The following GALNT13 variants were observed in gnomAD, a reference collection of about 807,000 sequenced individuals.
GALNT13 encodes the protein polypeptide N-acetylgalactosaminyltransferase 13.
GALNT13 carries 28 observed loss-of-function variants against 64.2 expected under a neutral mutation model. The ratio of observed to expected loss-of-function variants is 0.44; its 90% CI spans 0.32 to 0.60. The LOEUF is 0.60. Ranked by LOEUF, GALNT13 falls within the 20% of genes least tolerant of loss-of-function variation. The pLI is 0.05. For missense variants in GALNT13, 577 were observed against 669.8 expected (o/e 0.86, Z 1.53); for synonymous variants, 214 against 224.6 (o/e 0.95, Z 0.42).
chr2:153,403,250 G>T, the GALNT13 span, among the ~76,000 whole-genome samples: 1 of 150,878 alleles, frequency 6.6e-6, no homozygotes, highest in East Asian at 2.0e-4. Flanking sequence ...GGGGGTCAGG[G>T]GTCAGGGACC....
chr2:154,424,539 T>A (rs1700389930), intron 11 of GALNT13, among the ~76,000 whole-genome samples: 1 of 152,146 alleles, frequency 6.6e-6, no homozygotes, highest in Non-Finnish European at 1.5e-5. Context: ...GGGGGTCTTT[T>A]AACCAAAAGA....
chr2:153,948,659 G>A (rs1691946923), intron 3 of GALNT13, among the ~76,000 whole-genome samples: 1 of 152,102 alleles, frequency 6.6e-6, no homozygotes, highest in African/African-American at 2.4e-5. Context: ...TATACACTAT[G>A]GAATACTATG....
At chr2:153,530,663 A>G in the GALNT13 span, among the ~76,000 whole-genome samples, 1 of 152,066 alleles carries the variant, frequency 6.6e-6, no homozygotes, top group Non-Finnish European at 1.5e-5. Context: ...TACTGGCAAC[A>G]AAACAGAACA....
Position 153,889,428 on chromosome 2 carries a change from C to G in GALNT13, c.-176-11508C>G, listed in dbSNP as rs550776542. On this transcript the variant is annotated intron_variant, in intron 1 of 12. Transcript: ENST00000392825. Reference sequence around the variant, plus strand: ...CTGACACTCTTTTATCCTTCCTCACCCCACACTAACACACTCTAAAACTAC... The same window carrying G: ...CTGACACTCTTTTATCCTTCCTCACGCCACACTAACACACTCTAAAACTAC... Among the ~76,000 whole-genome samples the G allele has an allele frequency of 1.3e-4, 19 of 151,862 alleles. No homozygotes were observed. In the South Asian group the frequency reaches 3.7e-3, roughly 30 times the overall value.
At chr2:153,683,134 C>T in the GALNT13 span, among the ~76,000 whole-genome samples, 1 of 151,718 alleles carries the variant, frequency 6.6e-6, no homozygotes, top group African/African-American at 2.4e-5. Context: ...ATATATGGCA[C>T]ATAACTAATG....
the GALNT13 span, among the ~76,000 whole-genome samples, chr2:153,151,721 A>G: frequency 6.6e-6 from 1 of 151,980 alleles, no homozygotes; most frequent in Admixed American, 6.6e-5. Flanking sequence ...TCAGCAAACT[A>G]TCGCAAGGAC....
chr2:153,535,136 TG>T, the GALNT13 span, among the ~76,000 whole-genome samples: 1 of 151,752 alleles, frequency 6.6e-6, no homozygotes, highest in Non-Finnish European at 1.5e-5. Context: ...GGAGGTCTTG[TG>T]GTAAGGGGTG....
intron 3 of GALNT13, among the ~76,000 whole-genome samples, chr2:154,015,298 T>C (rs1696929873): frequency 6.6e-6 from 1 of 152,232 alleles, no homozygotes; most frequent in African/African-American, 2.4e-5. Flanking sequence ...AAAATAGCAA[T>C]ATTTGTTAAA....
At chr2:154,406,821 C>T (rs897441417) in intron 10 of GALNT13, among the ~76,000 whole-genome samples, 1 of 152,152 alleles carries the variant, frequency 6.6e-6, no homozygotes, top group Non-Finnish European at 1.5e-5. Context: ...CTCCTCAGCA[C>T]CTCAGGTAGT....
chr2:153,967,993 T>C (rs530442208), intron 3 of GALNT13, among the ~76,000 whole-genome samples: 1 of 150,198 alleles, frequency 6.7e-6, no homozygotes, highest in Non-Finnish European at 1.5e-5. Flanking sequence ...TGTACTATCT[T>C]CTCTCCTGAC....
intron 3 of GALNT13, among the ~76,000 whole-genome samples, chr2:154,031,679 T>C (rs913749787): frequency 1.3e-5 from 2 of 151,814 alleles, no homozygotes; most frequent in African/African-American, 4.8e-5. Flanking sequence ...GACAAAGAAA[T>C]CAATTTTCCA....
chr2:153,989,089 C>T (rs1459832006), intron 3 of GALNT13, among the ~76,000 whole-genome samples: 2 of 151,904 alleles, frequency 1.3e-5, no homozygotes, highest in Non-Finnish European at 2.9e-5. Flanking sequence ...TTAAGAATGC[C>T]TGTATCCTCT....
At chr2:154,173,697 C>A (rs1213335300) in intron 4 of GALNT13, among the ~76,000 whole-genome samples, 1 of 151,824 alleles carries the variant, frequency 6.6e-6, no homozygotes, top group East Asian at 1.9e-4. Flanking sequence ...TCAAACAACT[C>A]AATAACAAAA....
the GALNT13 span, among the ~76,000 whole-genome samples, chr2:153,230,535 A>G: frequency 1.6e-4 from 24 of 152,306 alleles, no homozygotes; most frequent in South Asian, 1.9e-3. Context: ...CAAATAATTC[A>G]TCATGATGTT....
chr2:153,631,453 C>T, the GALNT13 span, among the ~76,000 whole-genome samples: 3 of 152,168 alleles, frequency 2.0e-5, no homozygotes, highest in Non-Finnish European at 2.9e-5. Flanking sequence ...CCTATTTCTC[C>T]ACATCCTCTC....
chr2:153,395,559 C>T, the GALNT13 span, among the ~76,000 whole-genome samples: 2 of 152,028 alleles, frequency 1.3e-5, no homozygotes, highest in Admixed American at 1.3e-4. Flanking sequence ...TATTTTAATG[C>T]TTTTCTCTTC....
At chr2:154,046,195 C>G (rs1425732940) in intron 3 of GALNT13, among the ~76,000 whole-genome samples, 1 of 152,076 alleles carries the variant, frequency 6.6e-6, no homozygotes, top group Non-Finnish European at 1.5e-5. Flanking sequence ...CATGGTCATA[C>G]ATGCCTGTAG....
At chr2:153,083,420 A>G in the GALNT13 span, among the ~76,000 whole-genome samples, 1 of 152,180 alleles carries the variant, frequency 6.6e-6, no homozygotes, top group East Asian at 1.9e-4. Flanking sequence ...TTGATTTTTA[A>G]ATTATGGCTA....
At chr2:153,620,560 A>C in the GALNT13 span, among the ~76,000 whole-genome samples, 1 of 151,978 alleles carries the variant, frequency 6.6e-6, no homozygotes, top group Non-Finnish European at 1.5e-5. Flanking sequence ...ACTCCGAGGC[A>C]TTCTTCAGTT....
Sources: gnomAD v4.1 joint callset for allele counts (sites outside exome capture counted in the v4.1 genomes callset) on GRCh38, gnomAD v4.1.1 for gene constraint, MANE v1.5 for transcripts, NCBI Gene and HGNC (gene_info 2026-07-23, HGNC 2026-07-21) for gene names.